Variants in TMEM150C observed in about 807,000 individuals in gnomAD.
TMEM150C encodes tentonin 3.
Under a neutral mutation model 29.9 loss-of-function variants are expected in TMEM150C, and 10 were observed. The ratio of observed to expected loss-of-function variants is 0.33; its 90% confidence interval spans 0.21 to 0.57. TMEM150C has a LOEUF of 0.57. Among genes scored for constraint, TMEM150C ranks in the 20% least tolerant of loss-of-function variants. TMEM150C has a pLI of 0.88. For synonymous variants in TMEM150C, 101 were observed against 112.5 expected (o/e 0.90, Z 0.64); for missense variants, 251 against 303.6 (o/e 0.83, Z 1.29).
intron 1 of TMEM150C, among the ~76,000 whole-genome samples, chr4:82,535,005 T>C (rs1300606594): frequency 6.6e-6 from 1 of 152,216 alleles, no homozygotes; most frequent in East Asian, 1.9e-4. Flanking sequence ...CTACATTAAG[T>C]TACAACAGAA....
intron 1 of TMEM150C, among the ~76,000 whole-genome samples, chr4:82,506,100 T>G (rs1313950728): frequency 6.6e-6 from 1 of 152,178 alleles, no homozygotes; most frequent in African/African-American, 2.4e-5. Context: ...TTTTACAATT[T>G]TTTACAATTA....
At chr4:82,553,317 T>C (rs1725640936) in intron 1 of TMEM150C, among the ~76,000 whole-genome samples, 1 of 152,230 alleles carries the variant, frequency 6.6e-6, no homozygotes, top group African/African-American at 2.4e-5. Flanking sequence ...AAGGTAAATA[T>C]GCAACAAGCA....
chr4:82,488,716 T>C (rs2110061453), intron 7 of TMEM150C, among the ~76,000 whole-genome samples: 1 of 152,240 alleles, frequency 6.6e-6, no homozygotes, highest in African/African-American at 2.4e-5. Context: ...TGGGATCAAG[T>C]GATCCTCCCC....
intron 5 of TMEM150C, among the ~76,000 whole-genome samples, chr4:82,499,282 AT>A (rs1723652924): frequency 6.6e-6 from 1 of 152,162 alleles, no homozygotes; most frequent in South Asian, 2.1e-4. Context: ...CAATAGATAT[AT>A]TTTTTTGTTT....
chr4:82,521,008 G>A (rs1365507211), intron 1 of TMEM150C, among the ~76,000 whole-genome samples: 3 of 152,026 alleles, frequency 2.0e-5, no homozygotes, highest in Non-Finnish European at 4.4e-5. Context: ...TTACTTGAAC[G>A]CATCAGACAC....
intron 1 of TMEM150C, among the ~76,000 whole-genome samples, chr4:82,505,631 A>G (rs934072970): frequency 6.6e-6 from 1 of 152,228 alleles, no homozygotes; most frequent in African/African-American, 2.4e-5. Flanking sequence ...AACTTTTCTC[A>G]TGACATGTTA....
chr4:82,502,982 G>A, intron 3 of TMEM150C, 55 bp from the exon 4 acceptor site: 2 of 1,596,908 alleles, frequency 1.3e-6, no homozygotes, highest in Non-Finnish European at 1.7e-6. Flanking sequence ...TGTCATTTGT[G>A]CAGTTTAACC....
chr4:82,539,482 T>C (rs2110086809), intron 1 of TMEM150C, among the ~76,000 whole-genome samples: 1 of 146,992 alleles, frequency 6.8e-6, no homozygotes, highest in Non-Finnish European at 1.5e-5. Flanking sequence ...AGACAGAGTC[T>C]CGCTCTGTCG....
chr4:82,530,519 C>T (rs756041896), intron 1 of TMEM150C, among the ~76,000 whole-genome samples: 21 of 151,988 alleles, frequency 1.4e-4, no homozygotes, highest in South Asian at 4.1e-4. Context: ...ATCGCGCCAC[C>T]GCACTCCAGC....
At chr4:82,491,460 C>CG in intron 6 of TMEM150C, 1 of 690,068 alleles carries the variant, frequency 1.4e-6, no homozygotes, top group Non-Finnish European at 2.6e-6. Flanking sequence ...CCTGATATAG[C>CG]GGGGCAATTT....
At chr4:82,533,019 C>G (rs549871504) in intron 1 of TMEM150C, among the ~76,000 whole-genome samples, 1 of 152,242 alleles carries the variant, frequency 6.6e-6, no homozygotes, top group Admixed American at 6.5e-5. Context: ...TGAGCCACTG[C>G]GCCCGGCCTC....
chr4:82,550,322 A>T (rs1725529673), intron 1 of TMEM150C, among the ~76,000 whole-genome samples: 1 of 152,122 alleles, frequency 6.6e-6, no homozygotes, highest in Non-Finnish European at 1.5e-5. Flanking sequence ...CATGATTTTA[A>T]GTTTGCTGAG....
At chr4:82,493,355 TTTA>T (rs1360511044) in intron 6 of TMEM150C, among the ~76,000 whole-genome samples, 1 of 152,096 alleles carries the variant, frequency 6.6e-6, no homozygotes, top group Non-Finnish European at 1.5e-5. Flanking sequence ...AATCTATTAA[TTTA>T]TTATTAATCT....
At chr4:82,509,458 A>G (rs1357537376) in intron 1 of TMEM150C, among the ~76,000 whole-genome samples, 2 of 152,010 alleles carry the variant, frequency 1.3e-5, no homozygotes, top group African/African-American at 4.8e-5. Flanking sequence ...ATTATTTAAG[A>G]CTCTTAACTC....
intron 6 of TMEM150C, among the ~76,000 whole-genome samples, chr4:82,493,249 T>A (rs148969358): frequency 6.6e-6 from 1 of 152,010 alleles, no homozygotes; most frequent in African/African-American, 2.4e-5. Flanking sequence ...CCATGTTTTC[T>A]CTCACAGTTC....
At chr4:82,494,177 C>T (rs942044676) in intron 6 of TMEM150C, among the ~76,000 whole-genome samples, 4 of 152,108 alleles carry the variant, frequency 2.6e-5, no homozygotes, top group Non-Finnish European at 4.4e-5. Flanking sequence ...TGTTTGCCCT[C>T]AAGGAGGAAG....
rs985332228 is a variant in TMEM150C at position 82,561,892 on chromosome 4, G to A, written c.-11+14C>T. 1.0e-6 allele frequency: 1 copy of A among 992,178 alleles called. No homozygotes were observed. Among genetic ancestry groups the A allele is most frequent in the African/African-American group, 1.7e-5 (1 of 57,176 alleles). The allele number at this position is 992,178 out of a possible 1,614,324, so 61.5% of individuals were successfully genotyped here. A position where few individuals can be genotyped will look rare whatever the true frequency, so the allele number is the denominator to read the frequency against. On this transcript the variant is annotated intron_variant, in intron 1 of 7. Transcript: ENST00000449862. ...CGCGACGGGCCCAGGCAGGGGAGGG[G>A]GCGCCGCGCCTACCTGCTCTGGTGC... is the stretch of plus-strand genomic sequence containing the variant.
At position 82,523,697 on chromosome 4, in the gene TMEM150C, C is replaced by CT. The variant is rs376571700; in HGVS notation, c.-10-19031dup. 1.8e-3 allele frequency among the ~76,000 whole-genome samples: 267 copies of CT among 146,014 alleles called. 1 individual carries two copies. Among genetic ancestry groups the CT allele is most frequent in the Middle Eastern group, 7.1e-3 (2 of 282 alleles). On this transcript the variant is annotated intron_variant, in intron 1 of 7. Transcript: ENST00000449862. ...TTAATAACTCCTACAACACAAATAA[C>CT]TTTTTTTTTTTTTTAAATAACTCAG...
At chr4:82,528,345 G>C (rs895924193) in intron 1 of TMEM150C, among the ~76,000 whole-genome samples, 7 of 152,184 alleles carry the variant, frequency 4.6e-5, no homozygotes, top group African/African-American at 1.7e-4. Context: ...TTCTGGCTCA[G>C]TAGGCCCCAG....
Sources: allele counts gnomAD v4.1 joint callset (sites outside exome capture counted in the v4.1 genomes callset), GRCh38; gene constraint gnomAD v4.1.1; transcripts MANE v1.5; gene names NCBI Gene and HGNC (gene_info 2026-07-23, HGNC 2026-07-21).